The following RHOBTB2 variants were observed in gnomAD, a reference collection of about 807,000 sequenced individuals.
The protein encoded by RHOBTB2 is Rho related BTB domain containing 2, also known as rho-related BTB domain-containing protein 2.
A neutral mutation model predicts 66.5 loss-of-function variants in RHOBTB2; 39 were observed. The observed-to-expected ratio is 0.59, with a 90% CI of 0.45 to 0.77. The LOEUF is 0.77. Ranked by LOEUF, RHOBTB2 falls within the 30% of genes least tolerant of loss-of-function variation. RHOBTB2 has a pLI of 0.00. For missense variants in RHOBTB2, 755 were observed against 999.1 expected (o/e 0.76, Z 3.29); for synonymous variants, 390 against 395.0 (o/e 0.99, Z 0.15).
At chr8:22,995,518 C>T (rs1432083708), upstream of RHOBTB2, among the ~76,000 whole-genome samples, 1 of 152,250 alleles carries the variant, frequency 6.6e-6, no homozygotes, top group African/African-American at 2.4e-5. Context: ...GATGAGTACA[C>T]ATTTATCTGG....
chr8:23,007,847 T>C, intron 5 of RHOBTB2, 101 bp downstream of exon 5: 1 of 1,518,832 alleles, frequency 6.6e-7, no homozygotes, highest in Admixed American at 1.9e-5. Context: ...GCTGCCATGC[T>C]CTTGAAGCCT....
chr8:23,005,918 C>T (rs931588480), intron 3 of RHOBTB2, 42 bp from the exon 4 acceptor site: 3 of 1,577,854 alleles, frequency 1.9e-6, no homozygotes, highest in African/African-American at 1.3e-5. Context: ...AGGTAAGCTA[C>T]CACTTGTTTC....
At chr8:22,978,538 A>G in the RHOBTB2 span, among the ~76,000 whole-genome samples, 1 of 150,764 alleles carries the variant, frequency 6.6e-6, no homozygotes, top group Admixed American at 6.6e-5. Flanking sequence ...AACAATTGTT[A>G]AGTTTAGGTA....
At chr8:22,959,137 C>T in the RHOBTB2 span, among the ~76,000 whole-genome samples, 2 of 152,262 alleles carry the variant, frequency 1.3e-5, no homozygotes, top group African/African-American at 4.8e-5. Context: ...TTGGTCTTTG[C>T]CCTGTGTGTA....
At chr8:23,008,970 A>G (rs1248468029) in intron 6 of RHOBTB2, among the ~76,000 whole-genome samples, 1 of 152,086 alleles carries the variant, frequency 6.6e-6, no homozygotes, top group Non-Finnish European at 1.5e-5. Context: ...GGACTTGGCC[A>G]GCCCTGAGGG....
rs1301074111 is a variant in RHOBTB2, at chr8:22,999,692, G to A, written c.-424G>A. 322 of 1,179,450 alleles carry A rather than the reference G, an allele frequency of 2.7e-4. No homozygotes were observed. Among genetic ancestry groups the A allele is most frequent in the Non-Finnish European group, 3.3e-4 (310 of 936,022 alleles). The allele number at this position is 1,179,450 out of a possible 1,614,324, so 73.1% of individuals were successfully genotyped here. Reference sequence around the variant, plus strand: ...CGCGAGCGGTACCTGGGACTGCAGCGCCAGGCGTCTTCGCGGCAGCGCCTT... The same window carrying A: ...CGCGAGCGGTACCTGGGACTGCAGCACCAGGCGTCTTCGCGGCAGCGCCTT... On this transcript the variant is annotated 5_prime_UTR_variant, in exon 1 of 10. Coordinates refer to ENST00000251822, the MANE Select transcript of RHOBTB2 (RefSeq NM_015178.3).
chr8:22,989,120 A>T (rs1389322260), intron 1 of RHOBTB2, among the ~76,000 whole-genome samples: 1 of 152,160 alleles, frequency 6.6e-6, no homozygotes, highest in Non-Finnish European at 1.5e-5. Flanking sequence ...TTGAGTTAAA[A>T]GTCACGTGCC....
At chr8:22,979,885 G>C in the RHOBTB2 span, among the ~76,000 whole-genome samples, 1 of 151,222 alleles carries the variant, frequency 6.6e-6, no homozygotes, top group Non-Finnish European at 1.5e-5. Flanking sequence ...AGCCTCCTGA[G>C]TAGCTGGGAC....
the RHOBTB2 span, among the ~76,000 whole-genome samples, chr8:22,975,681 ATG>A: frequency 1.3e-5 from 2 of 152,158 alleles, no homozygotes; most frequent in Non-Finnish European, 2.9e-5. Context: ...CTCACACAGG[ATG>A]TGTGTGAAAC....
In RHOBTB2 at chr8:23,004,937, G is replaced by A. The variant is rs1810902371; in HGVS notation, c.192+311G>A. The A allele has an allele frequency of 4.3e-6, 2 of 461,586 alleles. No individual in the cohort carries two copies. The highest frequency in any genetic ancestry group is 7.9e-6 in the Non-Finnish European group (2 of 251,898). 28.6% of individuals were successfully genotyped at this position (461,586 alleles called of 1,614,324 possible). On this transcript the variant is annotated intron_variant, in intron 2 of 9. Transcript: ENST00000251822. The surrounding 1 kb of genome is among the most constrained non-coding windows in gnomAD (Gnocchi z 6.4). The stretch of plus-strand genomic sequence containing the variant: ...GGGGAGCACTGGAGGGCTGGGGCTT[G>A]GAAGAGATACAAGCTGAGAGGAGCA...
the RHOBTB2 span, among the ~76,000 whole-genome samples, chr8:22,978,363 T>C: frequency 6.6e-6 from 1 of 151,588 alleles, no homozygotes; most frequent in South Asian, 2.1e-4. Context: ...GGCGGGTGCC[T>C]GTAGTCCCAG....
At chr8:22,980,719 A>C in the RHOBTB2 span, among the ~76,000 whole-genome samples, 24 of 152,314 alleles carry the variant, frequency 1.6e-4, no homozygotes, top group African/African-American at 5.5e-4. Flanking sequence ...GTCCAACACC[A>C]AGTTTTTTTA....
At chr8:23,008,253 G>A (rs1585192880) in intron 6 of RHOBTB2, 142 bp downstream of exon 6, 1 of 633,460 alleles carries the variant, frequency 1.6e-6, no homozygotes, top group Non-Finnish European at 2.8e-6. Context: ...TTTATGAGGT[G>A]GTTCTTGGAG....
chr8:22,980,843 G>A, the RHOBTB2 span, among the ~76,000 whole-genome samples: 2 of 152,196 alleles, frequency 1.3e-5, no homozygotes, highest in Admixed American at 1.3e-4. Context: ...TTACAACTTC[G>A]TGTTTCAACT....
chr8:22,976,741 TC>T, the RHOBTB2 span, among the ~76,000 whole-genome samples: 1 of 151,912 alleles, frequency 6.6e-6, no homozygotes, highest in African/African-American at 2.4e-5. Context: ...TTCTTGTGTC[TC>T]AGCCTCCCAA....
At chr8:22,979,739 TTTC>T in the RHOBTB2 span, among the ~76,000 whole-genome samples, 191 of 92,330 alleles carry the variant, frequency 2.1e-3, 3 homozygotes, top group Middle Eastern at 5.8e-3. Flanking sequence ...TTTTCTTTTC[TTTC>T]TTTTTTTTTT....
the RHOBTB2 span, among the ~76,000 whole-genome samples, chr8:22,968,311 AATAT>A: frequency 1.3e-5 from 2 of 152,140 alleles, no homozygotes; most frequent in East Asian, 3.8e-4. Flanking sequence ...TTAAATCATA[AATAT>A]ATATGGAGAA....
upstream of RHOBTB2, among the ~76,000 whole-genome samples, chr8:22,996,146 G>A (rs1056674985): frequency 1.4e-4 from 22 of 152,352 alleles, no homozygotes; most frequent in African/African-American, 4.6e-4. Flanking sequence ...AACAGCAGCC[G>A]CGTGATGGCC....
At position 23,017,220 on chromosome 8, in the gene RHOBTB2, T is replaced by G; in HGVS notation, c.1967-32T>G. 6.2e-7 allele frequency: 1 copy of G among 1,612,538 alleles called. No individual in the cohort carries two copies. The highest frequency in any genetic ancestry group is 8.5e-7 in the Non-Finnish European group (1 of 1,178,888). The stretch of plus-strand genomic sequence containing the variant: ...ACGTTCCTCTTGTCCCTCTGCCTCC[T>G]TTCTAACCAAGCTGCCTGCTCTCTG... On this transcript the variant is annotated intron_variant, in intron 9 of 9. Transcript: ENST00000251822. This position sits in a 1 kb window ranked among gnomAD's most constrained non-coding sequence, Gnocchi z 5.3.
Sources: allele counts gnomAD v4.1 joint callset (sites outside exome capture counted in the v4.1 genomes callset), GRCh38; gene constraint gnomAD v4.1.1; non-coding constraint Gnocchi (gnomAD v3.1); transcripts MANE v1.5; gene names NCBI Gene and HGNC (gene_info 2026-07-23, HGNC 2026-07-21).